The following MAPK8IP1 variants were observed in gnomAD, a reference collection of about 807,000 sequenced individuals.
MAPK8IP1 encodes the protein mitogen-activated protein kinase 8 interacting protein 1.
In MAPK8IP1, 17 loss-of-function variants were observed where a neutral mutation model predicts 72.6. The ratio of observed to expected loss-of-function variants is 0.23; its 90% confidence interval spans 0.16 to 0.35. The LOEUF (loss-of-function observed/expected upper bound fraction) is 0.35. MAPK8IP1 is among the 10% of genes least tolerant of loss of function. The pLI is 1.00. For missense variants in MAPK8IP1, 789 were observed against 1,009.7 expected, an observed-to-expected ratio of 0.78 and a Z score of 2.96; for synonymous variants, 401 against 443.4, an observed-to-expected ratio of 0.90 and a Z score of 1.20.
In MAPK8IP1 at chr11:45,903,512, C is replaced by A; in HGVS notation, c.1493+72C>A. 3 of 1,306,790 alleles carry A rather than the reference C, an allele frequency of 2.3e-6. No homozygotes were observed. The highest frequency in any genetic ancestry group is 1.2e-5 in the South Asian group (1 of 80,162). The allele number at this position is 1,306,790 out of a possible 1,614,324, so 80.9% of individuals were successfully genotyped here. On this transcript the variant is annotated intron_variant, in intron 6 of 11. Coordinates refer to ENST00000241014, the MANE Select transcript of MAPK8IP1 (RefSeq NM_005456.4). This position sits in a 1 kb window ranked among gnomAD's most constrained non-coding sequence, Gnocchi z 6.4. Reference sequence around the variant, plus strand: ...CACACACCACCCTCTACTTGTCACCCCTACATGGCCTCAGCCTAACCCCTG... The same window carrying A: ...CACACACCACCCTCTACTTGTCACCACTACATGGCCTCAGCCTAACCCCTG...
At chr11:45,892,037 G>A (rs1019063545) in intron 1 of MAPK8IP1, among the ~76,000 whole-genome samples, 3 of 152,178 alleles carry the variant, frequency 2.0e-5, no homozygotes, top group East Asian at 1.9e-4. Context: ...TGTTATAACC[G>A]CAAGTGGGGT....
intron 1 of MAPK8IP1, among the ~76,000 whole-genome samples, chr11:45,890,678 G>C (rs1055123140): frequency 2.0e-5 from 3 of 152,040 alleles, no homozygotes; most frequent in African/African-American, 7.2e-5. Context: ...GGATGATGCT[G>C]GGGCTCCTTG....
At chr11:45,893,554 T>C (rs1389554254) in intron 1 of MAPK8IP1, among the ~76,000 whole-genome samples, 1 of 152,206 alleles carries the variant, frequency 6.6e-6, no homozygotes, top group Non-Finnish European at 1.5e-5. Context: ...AACGTTAATA[T>C]GGATGACGTC....
At position 45,906,286 on chromosome 11, in the gene MAPK8IP1, C is replaced by T. The variant is rs569238106; in HGVS notation, c.*565C>T. The T allele has an allele frequency of 2.7e-6, 1 of 374,024 alleles. No individual in the cohort carries two copies. Among genetic ancestry groups the T allele is most frequent in the Non-Finnish European group, 4.8e-6 (1 of 208,784 alleles). The allele number at this position is 374,024 out of a possible 1,614,324, so 23.2% of individuals were successfully genotyped here. On this transcript the variant is annotated 3_prime_UTR_variant, in exon 12 of 12. Coordinates refer to ENST00000241014, the MANE Select transcript of MAPK8IP1 (RefSeq NM_005456.4). ...CATCTGCGGGGCTTCTGGGTGGCTC[C>T]TGCCACTGACCTCACCGGCATGCTG...
intron 1 of MAPK8IP1, among the ~76,000 whole-genome samples, chr11:45,893,916 G>A (rs924801649): frequency 2.0e-5 from 3 of 151,714 alleles, no homozygotes; most frequent in African/African-American, 7.3e-5. Context: ...GTTTTAGCTG[G>A]GAGGCCAGAA....
intron 2 of MAPK8IP1, among the ~76,000 whole-genome samples, chr11:45,899,673 C>T (rs1420738978): frequency 6.6e-6 from 1 of 152,172 alleles, no homozygotes; most frequent in Non-Finnish European, 1.5e-5. Context: ...CCATCCCTCT[C>T]AGGTCTCCGC....
At chr11:45,899,428 G>A (rs2086632605) in intron 2 of MAPK8IP1, among the ~76,000 whole-genome samples, 1 of 152,254 alleles carries the variant, frequency 6.6e-6, no homozygotes, top group Non-Finnish European at 1.5e-5. Context: ...AGGCTGGGAG[G>A]CAGTAGTGTT....
rs539161919 is a variant in MAPK8IP1 at position 45,905,826 on chromosome 11, C to T, written c.*105C>T. On this transcript the variant is annotated 3_prime_UTR_variant, in exon 12 of 12. Transcript: ENST00000241014. Reference sequence around the variant, plus strand: ...CTTGAGGAGGGGCACCTGCCACCGCCAGAGGACAAGGAAGTGGGGGCCGCT... The same window carrying T: ...CTTGAGGAGGGGCACCTGCCACCGCTAGAGGACAAGGAAGTGGGGGCCGCT... 2.6e-6 allele frequency: 3 copies of T among 1,151,402 alleles called. No individual in the cohort carries two copies. Among genetic ancestry groups the T allele is most frequent in the Non-Finnish European group, 3.9e-6 (3 of 770,134 alleles). 71.3% of individuals were successfully genotyped at this position (1,151,402 alleles called of 1,614,324 possible).
At position 45,900,616 on chromosome 11, in the gene MAPK8IP1, G is replaced by A. The variant is rs867426994; in HGVS notation, c.522+164G>A. 6.6e-6 allele frequency among the ~76,000 whole-genome samples: 1 copy of A among 152,214 alleles called. No homozygotes were observed. Among genetic ancestry groups the A allele is most frequent in the East Asian group, 1.9e-4 (1 of 5,194 alleles). On this transcript the variant is annotated intron_variant, in intron 3 of 11. Coordinates refer to ENST00000241014, the MANE Select transcript of MAPK8IP1 (RefSeq NM_005456.4). The surrounding 1 kb of genome is among the most constrained non-coding windows in gnomAD (Gnocchi z 6.5). ...CTCCCGGTGTTGGGATCCGAGGAGC[G>A]GGCAGAACCATCCTTACGAAGAGGG... is the stretch of plus-strand genomic sequence containing the variant.
chr11:45,893,685 G>A (rs773905833), intron 1 of MAPK8IP1, among the ~76,000 whole-genome samples: 3 of 152,188 alleles, frequency 2.0e-5, no homozygotes, highest in African/African-American at 4.8e-5. Context: ...GCGGAGGGCC[G>A]TAGGATTCAG....
At chr11:45,905,540 C>T in intron 11 of MAPK8IP1, 109 bp from the exon 12 acceptor site, 2 of 987,990 alleles carry the variant, frequency 2.0e-6, no homozygotes, top group Non-Finnish European at 3.3e-6. Flanking sequence ...CCAGAGGAAC[C>T]AGAGCTGCAC....
In MAPK8IP1 at chr11:45,900,112, CT is replaced by C. The variant is rs893060672; in HGVS notation, c.208-25del. On this transcript the variant is annotated intron_variant, in intron 2 of 11. Coordinates refer to ENST00000241014, the MANE Select transcript of MAPK8IP1 (RefSeq NM_005456.4). This position sits in a 1 kb window ranked among gnomAD's most constrained non-coding sequence, Gnocchi z 6.5. ...CTCGGCCCCGCCCCGGCCCCGCCCC[CT>C]GACGCCCCTCCGTGCGCTGTGCAGC... is the stretch of plus-strand genomic sequence containing the variant. 1.7e-6 allele frequency: 2 copies of C among 1,201,268 alleles called. No homozygotes were observed. Among genetic ancestry groups the C allele is most frequent in the African/African-American group, 3.2e-5 (2 of 62,964 alleles). The allele number at this position is 1,201,268 out of a possible 1,614,324, so 74.4% of individuals were successfully genotyped here. A position where few individuals can be genotyped will look rare whatever the true frequency, so the allele number is the denominator to read the frequency against.
Position 45,903,228 on chromosome 11 carries a change from G to C in MAPK8IP1, c.1417+44G>C, listed in dbSNP as rs541131932. Reference sequence around the variant, plus strand: ...GCAGTGGGGTGGGGGGGTCCCTAGCGGGGGCAGAGCCAAAATGCGAAGTGT... The same window carrying C: ...GCAGTGGGGTGGGGGGGTCCCTAGCCGGGGCAGAGCCAAAATGCGAAGTGT... On this transcript the variant is annotated intron_variant, in intron 5 of 11. Transcript: ENST00000241014. This position sits in a 1 kb window ranked among gnomAD's most constrained non-coding sequence, Gnocchi z 6.4. 1.3e-5 allele frequency: 21 copies of C among 1,589,670 alleles called. No homozygotes were observed. In the South Asian group the frequency reaches 1.8e-4, roughly 13 times the overall value.
chr11:45,885,894 T>C lies in MAPK8IP1; in HGVS notation c.74T>C (p.Leu25Pro). The C allele has an allele frequency of 6.8e-7, 1 of 1,475,878 alleles. No homozygotes were observed. The highest frequency in any genetic ancestry group is 1.3e-5 in the South Asian group (1 of 76,448). The allele number at this position is 1,475,878 out of a possible 1,614,324, so 91.4% of individuals were successfully genotyped here. A position where few individuals can be genotyped will look rare whatever the true frequency, so the allele number is the denominator to read the frequency against. ...SPPAASPFLG[L>P]HIASPPNFRL... is the part of the protein sequence containing the mutation. ...CCCGCCGCCTCCCCGTTCCTGGGGC[T>C]GCACATCGCTTCGCCTCCCAATTTC... The change falls in exon 1 of 12, where the codon CTG (leucine) becomes CCG (proline). Residue 25 changes from leucine to proline, a missense_variant. Around this residue, in one of 4 missense-constraint regions of MAPK8IP1, gnomAD observed 112 missense variants for 111.8 expected, o/e 1.00. Transcript: ENST00000241014.
Position 45,885,857 on chromosome 11 carries a change from G to C in MAPK8IP1, c.37G>C (p.Ala13Pro). ...ERESGGLGGG[A>P]ASPPAASPFL... ...AGAAAGCGGCGGCCTGGGAGGGGGG[G>C]CCGCGTCCCCGCCCGCCGCCTCCCC... The change falls in exon 1 of 12, where the codon GCC becomes CCC. Residue 13 changes from alanine (A) to proline (P), a missense_variant. By Grantham distance (27) the Ala-to-Pro change is conservative. Around this residue, in one of 4 missense-constraint regions of MAPK8IP1, gnomAD observed 112 missense variants for 111.8 expected, o/e 1.00. Coordinates refer to ENST00000241014, the MANE Select transcript of MAPK8IP1 (RefSeq NM_005456.4). 6.9e-7 allele frequency: 1 copy of C among 1,452,868 alleles called. No homozygotes were observed. The allele number at this position is 1,452,868 out of a possible 1,614,324, so 90.0% of individuals were successfully genotyped here.
Position 45,903,436 on chromosome 11 carries a change from T to G in MAPK8IP1, c.1489T>G (p.Phe497Val), listed in dbSNP as rs777178343. ...GCAGGAGCAGACCCACCGGGCCATATTCAGGTGAGAGCCATGGGCTGGCTG... is the reference window on the plus strand; with the variant it reads ...GCAGGAGCAGACCCACCGGGCCATAGTCAGGTGAGAGCCATGGGCTGGCTG... ...EEQEQTHRAI[F>V]RFVPRHEDEL... The change falls in exon 6 of 12, where the codon TTC (phenylalanine) becomes GTC (valine). Residue 497 changes from phenylalanine to valine, a missense_variant. Transcript: ENST00000241014. The surrounding 1 kb of genome is among the most constrained non-coding windows in gnomAD (Gnocchi z 6.4). 1 of 1,612,190 alleles carries G rather than the reference T, an allele frequency of 6.2e-7. No homozygotes were observed. Among genetic ancestry groups the G allele is most frequent in the Admixed American group, 1.7e-5 (1 of 59,998 alleles).
chr11:45,897,069 G>A, intron 1 of MAPK8IP1: 1 of 1,072,282 alleles, frequency 9.3e-7, no homozygotes, highest in Non-Finnish European at 1.4e-6. Context: ...AGGTTCCCCT[G>A]GGGGCTAAGC....
Position 45,903,931 on chromosome 11 carries a change from T to A in MAPK8IP1, c.1494-58T>A. 6.7e-7 allele frequency: 1 copy of A among 1,495,016 alleles called. No individual in the cohort carries two copies. The highest frequency in any genetic ancestry group is 2.3e-5 in the East Asian group (1 of 44,334). The allele number at this position is 1,495,016 out of a possible 1,614,324, so 92.6% of individuals were successfully genotyped here. A position where few individuals can be genotyped will look rare whatever the true frequency, so the allele number is the denominator to read the frequency against. ...CTGCTGTGGCTCCCAGACCCCAGAG[T>A]AGGCCTGGCTGGACAGGCCTTGGTG... On this transcript the variant is annotated intron_variant, in intron 6 of 11. Transcript: ENST00000241014. This position sits in a 1 kb window ranked among gnomAD's most constrained non-coding sequence, Gnocchi z 6.4.
rs946061799 is a variant in MAPK8IP1 at position 45,885,966 on chromosome 11, T to C, written c.101+45T>C. ...GCGCGCCTCGCCCTTCAGCGGGGACTGATCCGCATTGGCTGCCCTGCCCGC... is the reference window on the plus strand; with the variant it reads ...GCGCGCCTCGCCCTTCAGCGGGGACCGATCCGCATTGGCTGCCCTGCCCGC... On this transcript the variant is annotated intron_variant, in intron 1 of 11. Transcript: ENST00000241014. 3.1e-6 allele frequency: 4 copies of C among 1,283,090 alleles called. No homozygotes were observed. The African/African-American group carries it at 6.2e-5, about 20-fold the overall frequency. 79.5% of individuals were successfully genotyped at this position (1,283,090 alleles called of 1,614,324 possible).
Sources: allele counts gnomAD v4.1 joint callset (sites outside exome capture counted in the v4.1 genomes callset), GRCh38; gene constraint gnomAD v4.1.1; regional missense constraint gnomAD v4.1.1; non-coding constraint Gnocchi (gnomAD v3.1); transcripts MANE v1.5; gene names NCBI Gene and HGNC (gene_info 2026-07-23, HGNC 2026-07-21).